Variants in FAT1 observed in about 807,000 individuals in gnomAD.
FAT1 encodes the protein FAT atypical cadherin 1.
Under a neutral mutation model 329.8 loss-of-function variants are expected in FAT1, and 171 were observed. That is an observed-to-expected ratio of 0.52 (90% CI 0.46 to 0.59). FAT1 has a LOEUF of 0.59. FAT1 is among the 20% of genes least tolerant of loss of function. FAT1 has a pLI of 0.00. For missense variants in FAT1, 5,672 were observed against 5,774.4 expected (o/e 0.98, Z 0.57); for synonymous variants, 2,233 against 2,228.6 (o/e 1.00, Z -0.06).
Position 186,620,355 on chromosome 4 carries a change from A to G in FAT1, c.6231T>C (p.Asn2077=), listed in dbSNP as rs201212721. 1.8e-5 allele frequency: 29 copies of G among 1,613,968 alleles called. No homozygotes were observed. The African/African-American group carries it at 3.7e-4, about 21-fold the overall frequency. ...AGGGAAGGTTGACAAACACCGGCGC[A>G]TTATCATTTTGGTCTTCTACAATGA... ...VKVIVEDQND[N]APVFVNLPYY... is the part of the protein sequence containing the mutation. The change falls in exon 10 of 27, where the codon AAT becomes AAC. Residue 2077 remains asparagine (N), a synonymous_variant. Coordinates refer to ENST00000441802, the MANE Select transcript of FAT1 (RefSeq NM_005245.4).
At chr4:186,678,811 A>C (rs1743066998) in intron 2 of FAT1, among the ~76,000 whole-genome samples, 3 of 152,066 alleles carry the variant, frequency 2.0e-5, no homozygotes, top group Non-Finnish European at 2.9e-5. Flanking sequence ...CTAGAACCAG[A>C]AATACAATTT....
intron 20 of FAT1, among the ~76,000 whole-genome samples, chr4:186,602,506 T>C (rs1408080056): frequency 6.6e-6 from 1 of 152,132 alleles, no homozygotes; most frequent in Non-Finnish European, 1.5e-5. Flanking sequence ...TCAAAAAGAA[T>C]CAGGTTTAAA....
chr4:186,660,625 C>A (rs1220395071), intron 3 of FAT1, among the ~76,000 whole-genome samples: 1 of 152,204 alleles, frequency 6.6e-6, no homozygotes, highest in Admixed American at 6.5e-5. Flanking sequence ...CCCGCCGGGG[C>A]TGGGGTGTGG....
chr4:186,616,337 C>T (rs1253885092), intron 11 of FAT1, among the ~76,000 whole-genome samples: 1 of 152,152 alleles, frequency 6.6e-6, no homozygotes, highest in Non-Finnish European at 1.5e-5. Flanking sequence ...GTGCAGACTC[C>T]CCACTTCTGG....
At chr4:186,667,261 C>T (rs1428293722) in intron 2 of FAT1, among the ~76,000 whole-genome samples, 5 of 152,172 alleles carry the variant, frequency 3.3e-5, no homozygotes, top group African/African-American at 4.8e-5. Flanking sequence ...TGGTCCCCAC[C>T]GACCCATCAG....
Position 186,613,042 on chromosome 4 carries a change from T to A in FAT1, c.9463+67A>T, listed in dbSNP as rs1408738570. 1.9e-5 allele frequency: 20 copies of A among 1,048,962 alleles called. No homozygotes were observed. In the Admixed American group the frequency reaches 3.9e-4, roughly 20 times the overall value. 65.0% of individuals were successfully genotyped at this position (1,048,962 alleles called of 1,614,324 possible). On this transcript the variant is annotated intron_variant, in intron 13 of 26. Transcript: ENST00000441802. ...AGTGGCACAGGCTGAATCTGGGGTG[T>A]GTTTTGAAACAGAGGCTCCTAGGAT...
rs202035728 is a variant in FAT1, at chr4:186,601,353, C to G, written c.11556G>C (p.Glu3852Asp). 969 of 1,613,286 alleles carry G rather than the reference C, an allele frequency of 6.0e-4. 1 individual carries two copies. The highest frequency in any genetic ancestry group is 7.9e-4 in the Non-Finnish European group (927 of 1,179,426). The change falls in exon 21 of 27, where the codon GAG (glutamate) becomes GAC (aspartate). Residue 3852 changes from glutamate (E) to aspartate (D), a missense_variant. Coordinates refer to ENST00000441802, the MANE Select transcript of FAT1 (RefSeq NM_005245.4). The stretch of plus-strand genomic sequence containing the variant: ...TTCTGAGCCTCATGGTCAGTTTCAT[C>G]TCTAATTTGTTTTCATTTTCCGTCA... ...YRLTENENKL[E>D]MKLTMRLRTY...
intron 26 of FAT1, among the ~76,000 whole-genome samples, chr4:186,590,892 A>T (rs1296938502): frequency 1.3e-5 from 2 of 152,262 alleles, no homozygotes; most frequent in Non-Finnish European, 2.9e-5. Context: ...ACTTAAAGAC[A>T]GATGTACAAG....
In FAT1 at chr4:186,619,027, T is replaced by C; in HGVS notation, c.7559A>G (p.Asp2520Gly). Residue 2520 changes from aspartate to glycine, a missense_variant, in exon 10 of 27, where the codon GAT becomes GGT. Transcript: ENST00000441802. ...AGTAACGTGACCATAAATACCAGAA[T>C]CCCCATCCGTAGTTTTCACCTCCAT... ...LVMEVKTTDG[D>G]SGIYGHVTYH... 6.2e-7 allele frequency: 1 copy of C among 1,614,014 alleles called. No individual in the cohort carries two copies. Among genetic ancestry groups the C allele is most frequent in the Non-Finnish European group, 8.5e-7 (1 of 1,179,894 alleles).
intron 3 of FAT1, among the ~76,000 whole-genome samples, chr4:186,643,954 T>C (rs560024769): frequency 3.9e-5 from 6 of 152,298 alleles, no homozygotes; most frequent in Admixed American, 3.3e-4. Context: ...GCAATATTTT[T>C]TGCCAAATCC....
chr4:186,700,550 C>A (rs1207306499), intron 2 of FAT1, among the ~76,000 whole-genome samples: 1 of 152,300 alleles, frequency 6.6e-6, no homozygotes, highest in Admixed American at 6.5e-5. Context: ...GACCAAGCAT[C>A]GAATCTAGGA....
intron 16 of FAT1, among the ~76,000 whole-genome samples, chr4:186,608,350 T>C (rs907340893): frequency 5.9e-5 from 9 of 152,180 alleles, no homozygotes; most frequent in African/African-American, 1.7e-4. Context: ...GCAATGTAAA[T>C]GGTTGTTATA....
At chr4:186,636,538 T>C in intron 5 of FAT1, 47 bp downstream of exon 5, 1 of 1,505,700 alleles carries the variant, frequency 6.6e-7, no homozygotes, top group Non-Finnish European at 8.9e-7. Flanking sequence ...AAATAAGGTT[T>C]ATAGTCACAA....
At chr4:186,649,131 C>T (rs1346603936) in intron 3 of FAT1, among the ~76,000 whole-genome samples, 9 of 151,896 alleles carry the variant, frequency 5.9e-5, no homozygotes, top group African/African-American at 1.5e-4. Flanking sequence ...AAGAAGTGGC[C>T]GGGAGAGCCC....
At chr4:186,595,608 G>C in intron 26 of FAT1, 81 bp downstream of exon 26, 2 of 1,492,862 alleles carry the variant, frequency 1.3e-6, no homozygotes, top group Admixed American at 3.5e-5. Flanking sequence ...TTTAAGGGTA[G>C]ATAGTGCGTC....
intron 2 of FAT1, among the ~76,000 whole-genome samples, chr4:186,697,644 A>G (rs1744102374): frequency 6.6e-6 from 1 of 152,236 alleles, no homozygotes; most frequent in East Asian, 1.9e-4. Flanking sequence ...TAGCTCATTT[A>G]TAATTTTTAT....
intron 2 of FAT1, among the ~76,000 whole-genome samples, chr4:186,702,832 G>A (rs976862786): frequency 6.6e-6 from 1 of 152,316 alleles, no homozygotes; most frequent in Middle Eastern, 3.4e-3. Context: ...AGTAGAAGAG[G>A]GGGTTGGATG....
At chr4:186,676,432 C>T (rs978866253) in intron 2 of FAT1, among the ~76,000 whole-genome samples, 1 of 152,084 alleles carries the variant, frequency 6.6e-6, no homozygotes, top group African/African-American at 2.4e-5. Context: ...TTTAAACCAA[C>T]GTGTATAAAG....
chr4:186,658,261 G>C (rs1458377050), intron 3 of FAT1, among the ~76,000 whole-genome samples: 1 of 152,198 alleles, frequency 6.6e-6, no homozygotes, highest in Non-Finnish European at 1.5e-5. Flanking sequence ...AATATAATAA[G>C]AATGTCTGAA....
Sources: gnomAD v4.1 joint callset for allele counts (sites outside exome capture counted in the v4.1 genomes callset) on GRCh38, gnomAD v4.1.1 for gene constraint, MANE v1.5 for transcripts, NCBI Gene and HGNC (gene_info 2026-07-23, HGNC 2026-07-21) for gene names.